Variants in PCDH9 observed in about 807,000 individuals in gnomAD.
PCDH9 encodes protocadherin-9.
Under a neutral mutation model 70.6 loss-of-function variants are expected in PCDH9, and 24 were observed. The ratio of observed to expected loss-of-function variants is 0.34; its 90% CI spans 0.25 to 0.48. The LOEUF (loss-of-function observed/expected upper bound fraction) is 0.48. PCDH9 is among the 20% of genes least tolerant of loss of function. PCDH9 has a pLI of 0.99. For missense variants in PCDH9, 1,281 were observed against 1,503.6 expected (o/e 0.85, Z 2.45); for synonymous variants, 562 against 558.5 (o/e 1.01, Z -0.09).
intron 2 of PCDH9, among the ~76,000 whole-genome samples, chr13:67,043,518 T>C (rs1352067324): frequency 4.6e-5 from 7 of 151,984 alleles, no homozygotes; most frequent in South Asian, 2.1e-4. Context: ...ATATAGGAAG[T>C]AGAACATTGG....
chr13:66,553,228 CCAG>C (rs1961573687), intron 4 of PCDH9, among the ~76,000 whole-genome samples: 1 of 152,132 alleles, frequency 6.6e-6, no homozygotes, highest in Non-Finnish European at 1.5e-5. Context: ...GAAGAAAGAA[CCAG>C]TATGACAGCA....
chr13:66,644,240 CATGAT>C (rs2077742633), intron 3 of PCDH9, among the ~76,000 whole-genome samples: 1 of 151,560 alleles, frequency 6.6e-6, no homozygotes, highest in African/African-American at 2.4e-5. Flanking sequence ...TATAAAAAAA[CATGAT>C]AAGTTAACAC....
intron 4 of PCDH9, among the ~76,000 whole-genome samples, chr13:66,617,527 T>C (rs1375695402): frequency 1.3e-5 from 2 of 152,098 alleles, no homozygotes; most frequent in Non-Finnish European, 2.9e-5. Flanking sequence ...CTGGAAAGAG[T>C]TAATTTCCCA....
intron 2 of PCDH9, among the ~76,000 whole-genome samples, chr13:67,174,963 CAAAAAAAAAAAAA>C (rs376755966): frequency 7.8e-6 from 1 of 127,446 alleles, no homozygotes; most frequent in Non-Finnish European, 1.6e-5. Context: ...TCATCTCTAC[CAAAAAAAAAAAAA>C]AAAAAAAAAA....
At chr13:66,393,354 A>G (rs769085821) in intron 4 of PCDH9, among the ~76,000 whole-genome samples, 7 of 152,178 alleles carry the variant, frequency 4.6e-5, no homozygotes, top group Non-Finnish European at 8.8e-5. Flanking sequence ...TAGGCACAGC[A>G]CCACTGCTAA....
intron 2 of PCDH9, among the ~76,000 whole-genome samples, chr13:67,129,519 A>T (rs982507969): frequency 6.6e-6 from 1 of 152,078 alleles, no homozygotes; most frequent in Non-Finnish European, 1.5e-5. Context: ...TGAATTTATT[A>T]GTCTATAAGA....
chr13:66,468,965 G>A (rs1216200305), intron 4 of PCDH9, among the ~76,000 whole-genome samples: 2 of 152,102 alleles, frequency 1.3e-5, no homozygotes, highest in East Asian at 3.9e-4. Flanking sequence ...TACTATTCTG[G>A]AAGCCTAATG....
intron 2 of PCDH9, among the ~76,000 whole-genome samples, chr13:67,093,105 A>G (rs2086251397): frequency 6.6e-6 from 1 of 152,218 alleles, no homozygotes; most frequent in Admixed American, 6.5e-5. Flanking sequence ...ATAGCTATAA[A>G]GGAAGTTTAA....
intron 3 of PCDH9, among the ~76,000 whole-genome samples, chr13:66,750,594 G>C (rs1480209939): frequency 2.6e-5 from 4 of 151,758 alleles, no homozygotes; most frequent in African/African-American, 9.7e-5. Flanking sequence ...AATAATAAAA[G>C]AGAAATCATA....
chr13:66,636,700 A>G (rs2077642652), intron 3 of PCDH9, among the ~76,000 whole-genome samples: 1 of 152,082 alleles, frequency 6.6e-6, no homozygotes, highest in Admixed American at 6.6e-5. Context: ...TGCTTGAGCA[A>G]TAATATGTCA....
At chr13:67,029,745 T>G (rs1594413907) in intron 2 of PCDH9, among the ~76,000 whole-genome samples, 1 of 152,198 alleles carries the variant, frequency 6.6e-6, no homozygotes, top group Non-Finnish European at 1.5e-5. Context: ...TAAATAATAA[T>G]ACTCACCTAA....
At chr13:66,499,483 T>C (rs552710750) in intron 4 of PCDH9, among the ~76,000 whole-genome samples, 1 of 152,274 alleles carries the variant, frequency 6.6e-6, no homozygotes, top group African/African-American at 2.4e-5. Flanking sequence ...TTGAGATGGT[T>C]AAAAATCATG....
intron 4 of PCDH9, among the ~76,000 whole-genome samples, chr13:66,463,346 C>T (rs1958458605): frequency 6.6e-6 from 1 of 151,806 alleles, no homozygotes; most frequent in African/African-American, 2.4e-5. Context: ...TTCAAGAAAA[C>T]AGAATGACTT....
intron 2 of PCDH9, among the ~76,000 whole-genome samples, chr13:67,147,702 T>C (rs1338280108): frequency 2.6e-5 from 4 of 152,254 alleles, no homozygotes; most frequent in Admixed American, 2.0e-4. Context: ...ACCTTTTCCA[T>C]AGCCAAAATT....
intron 2 of PCDH9, among the ~76,000 whole-genome samples, chr13:66,931,059 T>C (rs1294188673): frequency 6.6e-6 from 1 of 152,152 alleles, no homozygotes; most frequent in East Asian, 1.9e-4. Context: ...AAACCTATCT[T>C]TTCTGTCCAC....
chr13:66,495,602 C>T (rs903808680), intron 4 of PCDH9, among the ~76,000 whole-genome samples: 2 of 150,370 alleles, frequency 1.3e-5, no homozygotes, highest in African/African-American at 4.9e-5. Flanking sequence ...ACATACATAC[C>T]TCTGGATGAT....
At chr13:66,390,750 C>A (rs1053323768) in intron 4 of PCDH9, among the ~76,000 whole-genome samples, 1 of 146,152 alleles carries the variant, frequency 6.8e-6, no homozygotes. Flanking sequence ...AAAAAAAAAT[C>A]TGGGCAAAAT....
intron 4 of PCDH9, among the ~76,000 whole-genome samples, chr13:66,431,904 C>T (rs1478923692): frequency 1.3e-5 from 2 of 151,912 alleles, no homozygotes; most frequent in Non-Finnish European, 2.9e-5. Flanking sequence ...AGTGGAATGA[C>T]AAGACAATAT....
intron 4 of PCDH9, among the ~76,000 whole-genome samples, chr13:66,352,517 C>A (rs1041432634): frequency 2.0e-5 from 3 of 152,096 alleles, no homozygotes; most frequent in African/African-American, 7.2e-5. Context: ...TGTCTGCCAT[C>A]TCATTATGTA....
Sources: allele counts gnomAD v4.1 joint callset (sites outside exome capture counted in the v4.1 genomes callset), GRCh38; gene constraint gnomAD v4.1.1; transcripts MANE v1.5; gene names NCBI Gene and HGNC (gene_info 2026-07-23, HGNC 2026-07-21).